Variants in MCTP2 observed in about 807,000 individuals in gnomAD.
MCTP2 encodes multiple C2 and transmembrane domain containing 2, also known as multiple C2 and transmembrane domain-containing protein 2.
Under a neutral mutation model 111.6 loss-of-function variants are expected in MCTP2, and 132 were observed. The observed-to-expected ratio is 1.18, with a 90% CI of 1.03 to 1.37. MCTP2 has a LOEUF of 1.37. Ranked by LOEUF, MCTP2 falls within the 40% of genes most tolerant of loss-of-function variation. MCTP2 has a pLI of 0.00. For missense variants in MCTP2, 1,183 were observed against 1,067.9 expected (o/e 1.11, Z -1.50); for synonymous variants, 395 against 387.7 (o/e 1.02, Z -0.22).
intron 10 of MCTP2, 34 bp downstream of exon 10, chr15:94,358,646 T>A: frequency 6.2e-7 from 1 of 1,609,828 alleles, no homozygotes; most frequent in South Asian, 1.1e-5. Flanking sequence ...GGCGGGAGCA[T>A]GTTTCTGCAT....
At chr15:94,399,395 C>G in intron 15 of MCTP2, 2 of 213,220 alleles carry the variant, frequency 9.4e-6, no homozygotes, top group Non-Finnish European at 1.9e-5. Context: ...TGGGGTCTTA[C>G]TCAGTCTGGT....
chr15:94,340,764 A>T (rs779050832), intron 6 of MCTP2, 49 bp from the exon 7 acceptor site: 1 of 1,177,876 alleles, frequency 8.5e-7, no homozygotes, highest in South Asian at 1.3e-5. Flanking sequence ...GTAGGTCAAT[A>T]CAGTCCTGTC....
intron 1 of MCTP2, among the ~76,000 whole-genome samples, chr15:94,254,363 A>C (rs143746073): frequency 6.6e-6 from 1 of 152,206 alleles, no homozygotes; most frequent in Non-Finnish European, 1.5e-5. Context: ...TGTTGTGGTC[A>C]GAGAGAACCT....
At position 94,244,216 on chromosome 15, in the gene MCTP2, A is replaced by G. The variant is rs142216567; in HGVS notation, c.-66+12552A>G. Reference sequence around the variant, plus strand: ...TTTATATACACGTGTATACACATACATATGTGTATATATTTATATACACGT... The same window carrying G: ...TTTATATACACGTGTATACACATACGTATGTGTATATATTTATATACACGT... On this transcript the variant is annotated intron_variant, in intron 1 of 22. Coordinates refer to ENST00000357742, the MANE Select transcript of MCTP2 (RefSeq NM_001385001.1). 3.2e-3 allele frequency among the ~76,000 whole-genome samples: 453 copies of G among 140,926 alleles called. 8 individuals are homozygous for G. The highest frequency in any genetic ancestry group is 0.028 in the East Asian group (136 of 4,862). 92.5% of individuals were successfully genotyped at this position (140,926 alleles called of 152,430 possible).
At chr15:94,373,776 G>GT (rs2079608840) in intron 12 of MCTP2, among the ~76,000 whole-genome samples, 2 of 152,274 alleles carry the variant, frequency 1.3e-5, no homozygotes, top group African/African-American at 4.8e-5. Context: ...CCTGTCAAAT[G>GT]TTTTTTAAAG....
chr15:94,254,261 T>C (rs1397930109), intron 1 of MCTP2, among the ~76,000 whole-genome samples: 1 of 152,224 alleles, frequency 6.6e-6, no homozygotes, highest in East Asian at 1.9e-4. Context: ...TTTAAATTCT[T>C]ATTTTAGAAT....
intron 1 of MCTP2, among the ~76,000 whole-genome samples, chr15:94,274,675 A>G (rs954752824): frequency 1.3e-5 from 2 of 152,172 alleles, no homozygotes; most frequent in Admixed American, 1.3e-4. Context: ...CAAAAGAGGA[A>G]GTAGAAATTA....
intron 1 of MCTP2, among the ~76,000 whole-genome samples, chr15:94,288,863 C>T (rs1338933266): frequency 6.6e-6 from 1 of 152,122 alleles, no homozygotes; most frequent in Non-Finnish European, 1.5e-5. Context: ...CCTGCCCCAC[C>T]CATTCTCCAC....
intron 4 of MCTP2, among the ~76,000 whole-genome samples, chr15:94,330,574 C>T (rs2077086225): frequency 6.6e-6 from 1 of 152,042 alleles, no homozygotes; most frequent in South Asian, 2.1e-4. Context: ...GCTGCTGCCT[C>T]TCCTCTCCCT....
In MCTP2 at chr15:94,338,699, G is replaced by GCCCT. The variant is rs2077487949; in HGVS notation, c.638-590_638-587dup. On this transcript the variant is annotated intron_variant, in intron 4 of 22. Coordinates refer to ENST00000357742, the MANE Select transcript of MCTP2 (RefSeq NM_001385001.1). ...GGCCTGGCTGATGTGGAGTTCAGCT[G>GCCCT]CCCTGGCTGAGACAATGTTGGCTGC... Among the ~76,000 whole-genome samples the GCCCT allele has an allele frequency of 2.6e-5, 4 of 152,322 alleles. No individual in the cohort carries two copies. In the South Asian group the frequency reaches 8.3e-4, roughly 32 times the overall value.
chr15:94,279,991 G>A (rs954551846), intron 1 of MCTP2, among the ~76,000 whole-genome samples: 1 of 152,100 alleles, frequency 6.6e-6, no homozygotes, highest in Admixed American at 6.6e-5. Flanking sequence ...TGTGCTGCTG[G>A]ATTCAGTTTG....
intron 12 of MCTP2, among the ~76,000 whole-genome samples, chr15:94,382,380 T>C (rs150943255): frequency 2.4e-3 from 368 of 152,370 alleles, no homozygotes; most frequent in Admixed American, 4.2e-3. Context: ...TTGTTTGCAA[T>C]TGAAAACCCT....
At chr15:94,296,143 T>C (rs1029895541) in intron 1 of MCTP2, among the ~76,000 whole-genome samples, 2 of 152,176 alleles carry the variant, frequency 1.3e-5, no homozygotes, top group South Asian at 2.1e-4. Context: ...CAGGTCTCCA[T>C]AGAGTGCTAC....
chr15:94,245,212 A>C (rs185503770), intron 1 of MCTP2, among the ~76,000 whole-genome samples: 288 of 141,180 alleles, frequency 2.0e-3, no homozygotes, highest in African/African-American at 6.9e-3. Flanking sequence ...ATATTTATAC[A>C]TATGTGTATA....
intron 4 of MCTP2, among the ~76,000 whole-genome samples, chr15:94,329,040 G>T (rs2077019479): frequency 6.6e-6 from 1 of 152,076 alleles, no homozygotes; most frequent in East Asian, 1.9e-4. Flanking sequence ...CAGGCACAAG[G>T]GTCCCAGCAC....
chr15:94,330,755 A>G (rs116822897), intron 4 of MCTP2, among the ~76,000 whole-genome samples: 5,073 of 151,026 alleles, frequency 0.034, 308 homozygotes, highest in African/African-American at 0.12. Flanking sequence ...TTTGTTTTGA[A>G]ACAGGGTCTC....
chr15:94,352,382 C>T (rs563922354), intron 8 of MCTP2, among the ~76,000 whole-genome samples: 12 of 152,292 alleles, frequency 7.9e-5, no homozygotes, highest in African/African-American at 2.9e-4. Flanking sequence ...GTGGAAGTCA[C>T]CTTTTCTGTT....
chr15:94,243,099 G>A (rs114886441), intron 1 of MCTP2, among the ~76,000 whole-genome samples: 11,099 of 63,730 alleles, frequency 0.17, 3,556 homozygotes, highest in African/African-American at 0.24. Flanking sequence ...ACGTGTATAT[G>A]TGTATCTACG....
chr15:94,387,301 A>G (rs1322644734), intron 14 of MCTP2, among the ~76,000 whole-genome samples: 16 of 151,832 alleles, frequency 1.1e-4, no homozygotes, highest in Admixed American at 1.1e-3. Context: ...TAGCATGTCC[A>G]GCCGTCTCCC....
Sources: gnomAD v4.1 joint callset for allele counts (sites outside exome capture counted in the v4.1 genomes callset) on GRCh38, gnomAD v4.1.1 for gene constraint, MANE v1.5 for transcripts, NCBI Gene and HGNC (gene_info 2026-07-23, HGNC 2026-07-21) for gene names.